Variants in SLC2A1 observed in about 807,000 individuals in gnomAD.
The protein encoded by SLC2A1 is solute carrier family 2, facilitated glucose transporter member 1.
A neutral mutation model predicts 46.6 loss-of-function variants in SLC2A1; 4 were observed. The observed-to-expected ratio is 0.09, with a 90% CI of 0.04 to 0.20. The LOEUF (loss-of-function observed/expected upper bound fraction) is 0.20. Among genes scored for constraint, SLC2A1 ranks in the 10% least tolerant of loss-of-function variants. SLC2A1 has a pLI of 1.00. For synonymous variants in SLC2A1, 253 were observed against 270.0 expected, an observed-to-expected ratio of 0.94 and a Z score of 0.62; for missense variants, 352 against 667.0, an observed-to-expected ratio of 0.53 and a Z score of 5.20.
intron 1 of SLC2A1, among the ~76,000 whole-genome samples, chr1:42,955,258 T>A (rs748272233): frequency 6.6e-6 from 1 of 152,202 alleles, no homozygotes; most frequent in Non-Finnish European, 1.5e-5. Context: ...TCCTAGACAC[T>A]GTAATGATGA....
rs1259950505 is a variant in SLC2A1 at position 42,929,509 on chromosome 1, G to A, written c.867+84C>T. 4 of 1,386,954 alleles carry A rather than the reference G, an allele frequency of 2.9e-6. No individual in the cohort carries two copies. The highest frequency in any genetic ancestry group is 3.1e-6 in the Non-Finnish European group (3 of 978,414). 85.9% of individuals were successfully genotyped at this position (1,386,954 alleles called of 1,614,324 possible). On this transcript the variant is annotated intron_variant, in intron 6 of 9. Coordinates refer to ENST00000426263, the MANE Select transcript of SLC2A1 (RefSeq NM_006516.4). The surrounding 1 kb of genome is among the most constrained non-coding windows in gnomAD (Gnocchi z 6.0). ...CTTCTTCGGCAGAGGCGTATCTGTT[G>A]TTTCAAGTTTGGGACTTGTTCACCA...
At chr1:42,953,098 G>T (rs1050132264) in intron 1 of SLC2A1, among the ~76,000 whole-genome samples, 2 of 152,242 alleles carry the variant, frequency 1.3e-5, no homozygotes, top group African/African-American at 4.8e-5. Flanking sequence ...AGGGCAGGGG[G>T]AGATAAACTG....
chr1:42,946,928 G>A (rs1643662511), intron 1 of SLC2A1, among the ~76,000 whole-genome samples: 1 of 152,204 alleles, frequency 6.6e-6, no homozygotes, highest in African/African-American at 2.4e-5. Flanking sequence ...GCCCTGCTCT[G>A]GGCCTTGGTT....
At chr1:42,945,898 C>T (rs1448932271) in intron 1 of SLC2A1, among the ~76,000 whole-genome samples, 2 of 152,050 alleles carry the variant, frequency 1.3e-5, no homozygotes, top group African/African-American at 2.4e-5. Flanking sequence ...ATGGAATCAC[C>T]TATTCAAAAT....
chr1:42,956,459 C>T (rs866594119), intron 1 of SLC2A1, among the ~76,000 whole-genome samples: 6 of 149,340 alleles, frequency 4.0e-5, no homozygotes, highest in Admixed American at 1.3e-4. Context: ...GTGGCACATG[C>T]CTGTAATTCC....
intron 2 of SLC2A1, among the ~76,000 whole-genome samples, chr1:42,935,088 T>C (rs1440984600): frequency 3.3e-5 from 5 of 151,858 alleles, no homozygotes; most frequent in African/African-American, 1.2e-4. Flanking sequence ...GGCAAGCGTG[T>C]TGAGGAGGGA....
At chr1:42,948,699 C>CG (rs1557653253) in intron 1 of SLC2A1, among the ~76,000 whole-genome samples, 1 of 151,846 alleles carries the variant, frequency 6.6e-6, no homozygotes, top group Non-Finnish European at 1.5e-5. Context: ...TAGGCCGAGG[C>CG]GGGCGGATTG....
chr1:42,931,942 C>A (rs1039856712), intron 2 of SLC2A1, among the ~76,000 whole-genome samples: 12 of 150,830 alleles, frequency 8.0e-5, no homozygotes, highest in African/African-American at 3.0e-4. Context: ...TCAGGCCCTC[C>A]CCCCAACCCC....
At chr1:42,936,025 C>G (rs1252094711) in intron 2 of SLC2A1, among the ~76,000 whole-genome samples, 1 of 152,120 alleles carries the variant, frequency 6.6e-6, no homozygotes, top group African/African-American at 2.4e-5. Context: ...CTGGATGTGG[C>G]CCTCCTGCCA....
chr1:42,928,528 T>C (rs1643451761), intron 8 of SLC2A1, among the ~76,000 whole-genome samples: 1 of 152,158 alleles, frequency 6.6e-6, no homozygotes, highest in South Asian at 2.1e-4. Flanking sequence ...AGAACTGAAC[T>C]ACACCTCCAG....
rs777094596 is a variant in SLC2A1 at position 42,928,968 on chromosome 1, A to G, written c.1038T>C (p.Gly346=). The G allele has an allele frequency of 6.2e-7, 1 of 1,613,466 alleles. No homozygotes were observed. Among genetic ancestry groups the G allele is most frequent in the African/African-American group, 1.3e-5 (1 of 74,912 alleles). ...LHLIGLAGMA[G]CAILMTIALA... is the part of the protein sequence containing the mutation. ...GCGCGATGGTCATGAGTATGGCACA[A>G]CCCGCCATGCCAGCGAGGCCTATGA... The change falls in exon 8 of 10, where the codon GGT becomes GGC. Residue 346 remains glycine (G), a synonymous_variant. Transcript: ENST00000426263.
rs1344245428 is a variant in SLC2A1 at position 42,936,014 on chromosome 1, G to A, written c.115-4808C>T. Among the ~76,000 whole-genome samples, 3 of 152,148 alleles carry A rather than the reference G, an allele frequency of 2.0e-5. No homozygotes were observed. The South Asian group carries it at 6.2e-4, about 31-fold the overall frequency. On this transcript the variant is annotated intron_variant, in intron 2 of 9. Transcript: ENST00000426263. ...TGGGTTGCACAAAAACAGGCTGCTG[G>A]CTGGATGTGGCCCTCCTGCCAACCC...
chr1:42,932,682 T>C (rs1643504713), intron 2 of SLC2A1, among the ~76,000 whole-genome samples: 1 of 152,176 alleles, frequency 6.6e-6, no homozygotes, highest in Admixed American at 6.5e-5. Flanking sequence ...CACTGAGGTC[T>C]AGCAGAAGAA....
rs1643482799 is a variant in SLC2A1, at chr1:42,930,921, G to A, written c.276-55C>T. The A allele has an allele frequency of 1.2e-6, 2 of 1,604,702 alleles. No homozygotes were observed. The highest frequency in any genetic ancestry group is 1.7e-6 in the Non-Finnish European group (2 of 1,179,644). Reference sequence around the variant, plus strand: ...GCCCACATTCCTTGGGCTCCGAGGGGCTGGGTCAGAGGTAATACCCTGGAA... The same window carrying A: ...GCCCACATTCCTTGGGCTCCGAGGGACTGGGTCAGAGGTAATACCCTGGAA... On this transcript the variant is annotated intron_variant, in intron 3 of 9. Coordinates refer to ENST00000426263, the MANE Select transcript of SLC2A1 (RefSeq NM_006516.4). The surrounding 1 kb of genome is among the most constrained non-coding windows in gnomAD (Gnocchi z 6.2).
At position 42,954,299 on chromosome 1, in the gene SLC2A1, A is replaced by G. The variant is rs1459681114; in HGVS notation, c.18+4335T>C. 6.6e-6 allele frequency among the ~76,000 whole-genome samples: 1 copy of G among 152,084 alleles called. No individual in the cohort carries two copies. The highest frequency in any genetic ancestry group is 6.6e-5 in the Admixed American group (1 of 15,266). On this transcript the variant is annotated intron_variant, in intron 1 of 9. Transcript: ENST00000426263. The surrounding 1 kb of genome is among the most constrained non-coding windows in gnomAD (Gnocchi z 4.2). Reference sequence around the variant, plus strand: ...TTTGGGAGGCCGAGGTGGGCGGATCACCTGAGGTCTGGAGTTCGAGACCAG... The same window carrying G: ...TTTGGGAGGCCGAGGTGGGCGGATCGCCTGAGGTCTGGAGTTCGAGACCAG...
intron 2 of SLC2A1, among the ~76,000 whole-genome samples, chr1:42,935,683 C>G (rs1643535806): frequency 6.6e-6 from 1 of 152,176 alleles, no homozygotes; most frequent in African/African-American, 2.4e-5. Context: ...CTCGGCTGCT[C>G]CTGGCAGAGG....
intron 2 of SLC2A1, among the ~76,000 whole-genome samples, chr1:42,935,441 C>T (rs189482774): frequency 1.3e-3 from 200 of 152,278 alleles, no homozygotes; most frequent in Admixed American, 4.1e-3. Context: ...TCTCACTTCC[C>T]CTTTGTAGAG....
chr1:42,952,962 C>A (rs1643737650), intron 1 of SLC2A1, among the ~76,000 whole-genome samples: 1 of 152,218 alleles, frequency 6.6e-6, no homozygotes, highest in Non-Finnish European at 1.5e-5. Flanking sequence ...TGCCGCTGAC[C>A]CAGACAGCTA....
At position 42,927,877 on chromosome 1, in the gene SLC2A1, C is replaced by T; in HGVS notation, c.1075-69G>A. On this transcript the variant is annotated intron_variant, in intron 8 of 9. Coordinates refer to ENST00000426263, the MANE Select transcript of SLC2A1 (RefSeq NM_006516.4). The surrounding 1 kb of genome is among the most constrained non-coding windows in gnomAD (Gnocchi z 5.3). ...GATGGATCCTCAGGGGAAACAGAAG[C>T]TACAGAGGCCAGAGCAGAGCTATGC... 1.7e-6 allele frequency: 2 copies of T among 1,202,546 alleles called. No individual in the cohort carries two copies. Among genetic ancestry groups the T allele is most frequent in the Non-Finnish European group, 1.2e-6 (1 of 831,230 alleles). The allele number at this position is 1,202,546 out of a possible 1,614,324, so 74.5% of individuals were successfully genotyped here. A position where few individuals can be genotyped will look rare whatever the true frequency, so the allele number is the denominator to read the frequency against.
Sources: allele counts gnomAD v4.1 joint callset (sites outside exome capture counted in the v4.1 genomes callset), GRCh38; gene constraint gnomAD v4.1.1; non-coding constraint Gnocchi (gnomAD v3.1); transcripts MANE v1.5; gene names NCBI Gene and HGNC (gene_info 2026-07-23, HGNC 2026-07-21).